XKR6: variants seen among roughly 807,000 people sequenced by gnomAD.
XKR6 encodes the protein XK related 6, also known as XK-related protein 6.
XKR6 carries 22 observed loss-of-function variants against 56.7 expected under a neutral mutation model. The observed-to-expected ratio is 0.39, with a 90% CI of 0.28 to 0.55. The LOEUF (loss-of-function observed/expected upper bound fraction) is 0.55. Among genes scored for constraint, XKR6 ranks in the 20% least tolerant of loss-of-function variants. XKR6 has a pLI of 0.66. For missense variants in XKR6, 852 were observed against 889.0 expected (o/e 0.96, Z 0.53); for synonymous variants, 524 against 387.8 (o/e 1.35, Z -4.13).
intron 1 of XKR6, among the ~76,000 whole-genome samples, chr8:11,120,577 G>C (rs1251315546): frequency 6.6e-6 from 1 of 152,050 alleles, no homozygotes; most frequent in East Asian, 1.9e-4. Flanking sequence ...CTCATGGGTA[G>C]GAAGAATCAA....
At chr8:11,064,244 C>A (rs1799921316) in intron 1 of XKR6, among the ~76,000 whole-genome samples, 1 of 152,226 alleles carries the variant, frequency 6.6e-6, no homozygotes, top group Admixed American at 6.5e-5. Context: ...CACACTCCCT[C>A]CCCATTAATC....
At chr8:11,168,822 G>T (rs1464592478) in intron 1 of XKR6, among the ~76,000 whole-genome samples, 1 of 152,176 alleles carries the variant, frequency 6.6e-6, no homozygotes, top group Admixed American at 6.5e-5. Context: ...TCAGATACAG[G>T]AACAAGGCCC....
At chr8:10,950,092 G>A (rs1801673111) in intron 1 of XKR6, among the ~76,000 whole-genome samples, 1 of 152,206 alleles carries the variant, frequency 6.6e-6, no homozygotes, top group Non-Finnish European at 1.5e-5. Flanking sequence ...CACATGGCAG[G>A]ATGGATGGAA....
intron 1 of XKR6, among the ~76,000 whole-genome samples, chr8:10,991,441 T>C (rs1383725819): frequency 6.6e-6 from 1 of 152,324 alleles, no homozygotes; most frequent in African/African-American, 2.4e-5. Context: ...AGGATAGTTA[T>C]GATTCAGAAG....
Position 11,185,978 on chromosome 8 carries a change from G to A in XKR6, c.764+14598C>T, listed in dbSNP as rs143655908. Among the ~76,000 whole-genome samples, 860 of 152,256 alleles carry A rather than the reference G, an allele frequency of 5.6e-3. 2 individuals carry two copies. The highest frequency in any genetic ancestry group is 8.6e-3 in the Non-Finnish European group (587 of 68,012). On this transcript the variant is annotated intron_variant, in intron 1 of 2. Coordinates refer to ENST00000416569, the MANE Select transcript of XKR6 (RefSeq NM_173683.4). ...TTGGGCTATTTCTGTACCACCCTCA[G>A]ACTAAGAATGCTTTTTATATTTTTC...
chr8:10,923,662 G>C (rs1800790024), intron 2 of XKR6, among the ~76,000 whole-genome samples: 1 of 152,250 alleles, frequency 6.6e-6, no homozygotes, highest in Admixed American at 6.5e-5. Context: ...GTTCTTGCCA[G>C]ACCACATTGG....
In XKR6 at chr8:11,060,818, G is replaced by A. The variant is rs116372335; in HGVS notation, c.765-135988C>T. ...GTGGATGCAGCAGAGAACAAGTCTCGTAGATGAGGAGAGACAAAATAATTC... is the reference window on the plus strand; with the variant it reads ...GTGGATGCAGCAGAGAACAAGTCTCATAGATGAGGAGAGACAAAATAATTC... On this transcript the variant is annotated intron_variant, in intron 1 of 2. Coordinates refer to ENST00000416569, the MANE Select transcript of XKR6 (RefSeq NM_173683.4). Among the ~76,000 whole-genome samples, 1,195 of 152,330 alleles carry A rather than the reference G, an allele frequency of 7.8e-3. 14 individuals are homozygous for A. Among genetic ancestry groups the A allele is most frequent in the African/African-American group, 0.028 (1,157 of 41,562 alleles).
chr8:10,919,354 G>A (rs1354860160), intron 2 of XKR6, among the ~76,000 whole-genome samples: 1 of 152,192 alleles, frequency 6.6e-6, no homozygotes, highest in Non-Finnish European at 1.5e-5. Flanking sequence ...ACCCCAACCA[G>A]TTGTCTGCTT....
Position 10,898,652 on chromosome 8 carries a change from C to G in XKR6, c.1226G>C (p.Cys409Ser). 6.2e-7 allele frequency: 1 copy of G among 1,614,124 alleles called. No individual in the cohort carries two copies. The highest frequency in any genetic ancestry group is 8.5e-7 in the Non-Finnish European group (1 of 1,180,038). ...GAGGATCTCCTCCCACTTGGACATG[C>G]AGAAGTCTGTTCCGCCATGGATGAT... Reference protein sequence around the residue: ...FWIIHGGTDFCMSKWEEILFN... With the variant: ...FWIIHGGTDFSMSKWEEILFN... The change falls in exon 3 of 3, where the codon TGC (cysteine) becomes TCC (serine). Residue 409 changes from cysteine to serine, a missense_variant. By Grantham distance (112) the Cys-to-Ser change is moderately radical. Around this residue, in one of 4 missense-constraint regions of XKR6, gnomAD observed 199 missense variants for 280.4 expected, o/e 0.71. Coordinates refer to ENST00000416569, the MANE Select transcript of XKR6 (RefSeq NM_173683.4). This position sits in a 1 kb window ranked among gnomAD's most constrained non-coding sequence, Gnocchi z 6.6.
At chr8:10,932,531 C>T (rs1483294357) in intron 1 of XKR6, among the ~76,000 whole-genome samples, 1 of 140,988 alleles carries the variant, frequency 7.1e-6, no homozygotes, top group Non-Finnish European at 1.5e-5. Context: ...CCCACTAACT[C>T]GTCATCTAGC....
At chr8:10,996,867 G>T (rs1798125079) in intron 1 of XKR6, among the ~76,000 whole-genome samples, 1 of 152,138 alleles carries the variant, frequency 6.6e-6, no homozygotes, top group Non-Finnish European at 1.5e-5. Flanking sequence ...GCTCAGGAGG[G>T]TGAGGCAGGA....
At chr8:11,184,844 T>A (rs1346721753) in intron 1 of XKR6, among the ~76,000 whole-genome samples, 1 of 152,156 alleles carries the variant, frequency 6.6e-6, no homozygotes, top group Non-Finnish European at 1.5e-5. Context: ...AATAAGGAAT[T>A]TTCAGATCAT....
intron 1 of XKR6, among the ~76,000 whole-genome samples, chr8:10,965,550 C>G (rs914131548): frequency 1.9e-4 from 29 of 152,318 alleles, no homozygotes; most frequent in African/African-American, 7.0e-4. Flanking sequence ...ACATGAGCTG[C>G]TAAGGCACGC....
At position 10,896,196 on chromosome 8, in the gene XKR6, A is replaced by G. The variant is rs1188544440; in HGVS notation, c.*1756T>C. On this transcript the variant is annotated 3_prime_UTR_variant, in exon 3 of 3. Coordinates refer to ENST00000416569, the MANE Select transcript of XKR6 (RefSeq NM_173683.4). Reference sequence around the variant, plus strand: ...GATGCGATTGAAACGATGCCCTAGAACAGAAATATTCTTTAAAGGAACAAT... The same window carrying G: ...GATGCGATTGAAACGATGCCCTAGAGCAGAAATATTCTTTAAAGGAACAAT... 3 of 151,836 alleles carry G rather than the reference A, an allele frequency of 2.0e-5. No individual in the cohort carries two copies. The highest frequency in any genetic ancestry group is 1.9e-4 in the East Asian group (1 of 5,192). The allele number at this position is 151,836 out of a possible 1,614,324, so 9.4% of individuals were successfully genotyped here.
chr8:11,133,132 G>C (rs1346889084), intron 1 of XKR6, among the ~76,000 whole-genome samples: 1 of 152,148 alleles, frequency 6.6e-6, no homozygotes, highest in East Asian at 1.9e-4. Flanking sequence ...ACAAGGGAGA[G>C]GGTGTGGGTA....
At chr8:11,047,646 G>A (rs1044424804) in intron 1 of XKR6, among the ~76,000 whole-genome samples, 2 of 152,236 alleles carry the variant, frequency 1.3e-5, no homozygotes, top group Admixed American at 1.3e-4. Flanking sequence ...GTTGTTGTTT[G>A]ATGGAGACAG....
chr8:11,013,385 AC>A (rs750592397), intron 1 of XKR6, among the ~76,000 whole-genome samples: 5 of 152,174 alleles, frequency 3.3e-5, no homozygotes, highest in Non-Finnish European at 7.4e-5. Context: ...AAGAACATGA[AC>A]CCTGAGGGCC....
At chr8:11,054,970 A>G (rs974599328) in intron 1 of XKR6, among the ~76,000 whole-genome samples, 10 of 152,174 alleles carry the variant, frequency 6.6e-5, no homozygotes, top group Non-Finnish European at 1.3e-4. Flanking sequence ...TCTTCTCTGC[A>G]GGAGGGGAAT....
intron 1 of XKR6, among the ~76,000 whole-genome samples, chr8:11,017,740 C>G (rs982006223): frequency 6.6e-6 from 1 of 152,154 alleles, no homozygotes; most frequent in African/African-American, 2.4e-5. Flanking sequence ...TGAGGACGGG[C>G]TGAGGTTCCC....
Sources: gnomAD v4.1 joint callset for allele counts (sites outside exome capture counted in the v4.1 genomes callset) on GRCh38, gnomAD v4.1.1 for gene constraint, gnomAD v4.1.1 regional missense constraint, Gnocchi (gnomAD v3.1) non-coding constraint, MANE v1.5 for transcripts, NCBI Gene and HGNC (gene_info 2026-07-23, HGNC 2026-07-21) for gene names.